XKR6: variants seen among roughly 807,000 people sequenced by gnomAD.
The protein encoded by XKR6 is XK-related protein 6.
A neutral mutation model predicts 56.7 loss-of-function variants in XKR6; 22 were observed. The ratio of observed to expected loss-of-function variants is 0.39; its 90% CI spans 0.28 to 0.55. The LOEUF (loss-of-function observed/expected upper bound fraction) is 0.55. Among genes scored for constraint, XKR6 ranks in the 20% least tolerant of loss-of-function variants. XKR6 has a pLI of 0.66. For synonymous variants in XKR6, 524 were observed against 387.8 expected (o/e 1.35, Z -4.13); for missense variants, 852 against 889.0 (o/e 0.96, Z 0.53).
intron 1 of XKR6, among the ~76,000 whole-genome samples, chr8:11,118,269 T>C (rs1040227347): frequency 3.3e-5 from 5 of 152,196 alleles, no homozygotes; most frequent in Middle Eastern, 3.2e-3. Flanking sequence ...TTACCTTTCT[T>C]TTCTTTTGTT....
chr8:11,129,574 C>T (rs974482002), intron 1 of XKR6, among the ~76,000 whole-genome samples: 2 of 152,078 alleles, frequency 1.3e-5, no homozygotes, highest in Non-Finnish European at 2.9e-5. Context: ...TCATGGTACA[C>T]GAACAGTCAC....
At chr8:11,018,848 G>T (rs1485654211) in intron 1 of XKR6, among the ~76,000 whole-genome samples, 1 of 151,996 alleles carries the variant, frequency 6.6e-6, no homozygotes, top group Non-Finnish European at 1.5e-5. Flanking sequence ...CTGCCTTGCT[G>T]CCCCTAAGAA....
intron 1 of XKR6, among the ~76,000 whole-genome samples, chr8:11,088,184 C>A (rs974467820): frequency 5.9e-5 from 9 of 152,102 alleles, no homozygotes; most frequent in African/African-American, 2.2e-4. Flanking sequence ...ATCAGAAGAC[C>A]ACTGCAAATC....
chr8:10,990,151 G>A (rs951920710), intron 1 of XKR6, among the ~76,000 whole-genome samples: 1 of 152,086 alleles, frequency 6.6e-6, no homozygotes, highest in African/African-American at 2.4e-5. Context: ...TTTTGTGACA[G>A]TCAGGTATTT....
intron 1 of XKR6, among the ~76,000 whole-genome samples, chr8:11,084,934 C>G (rs1356595941): frequency 2.0e-5 from 3 of 152,188 alleles, no homozygotes; most frequent in Non-Finnish European, 4.4e-5. Flanking sequence ...AAAAAGAAAT[C>G]TGCTGAAGAA....
At chr8:11,189,799 C>T (rs1191172445) in intron 1 of XKR6, among the ~76,000 whole-genome samples, 4 of 152,160 alleles carry the variant, frequency 2.6e-5, no homozygotes, top group Non-Finnish European at 5.9e-5. Flanking sequence ...GGATTACAGT[C>T]TCTTATGGTA....
At chr8:11,033,593 C>T (rs994950176) in intron 1 of XKR6, among the ~76,000 whole-genome samples, 3 of 152,204 alleles carry the variant, frequency 2.0e-5, no homozygotes, top group South Asian at 2.1e-4. Context: ...CTGTTAATGG[C>T]CCCTGCCCCA....
chr8:11,067,125 G>A (rs1055782659), intron 1 of XKR6: 1 of 152,328 alleles, frequency 6.6e-6, no homozygotes, highest in African/African-American at 2.4e-5. Flanking sequence ...GACAGTTTCG[G>A]AGAGACGTCA....
At chr8:11,187,485 G>C (rs1186349382) in intron 1 of XKR6, among the ~76,000 whole-genome samples, 1 of 152,134 alleles carries the variant, frequency 6.6e-6, no homozygotes, top group Non-Finnish European at 1.5e-5. Flanking sequence ...CACATGACTG[G>C]CAAAATGGGA....
intron 1 of XKR6, among the ~76,000 whole-genome samples, chr8:10,944,319 C>T (rs1026802683): frequency 6.6e-6 from 1 of 152,218 alleles, no homozygotes; most frequent in Non-Finnish European, 1.5e-5. Flanking sequence ...CAAGAAAGAA[C>T]TTAGTGACCA....
intron 1 of XKR6, among the ~76,000 whole-genome samples, chr8:11,072,210 G>C (rs1050510826): frequency 6.8e-6 from 1 of 147,060 alleles, no homozygotes; most frequent in South Asian, 2.2e-4. Context: ...AGGTCTGCTG[G>C]AGAGACAGCA....
chr8:11,100,072 G>C (rs1266635026), intron 1 of XKR6, among the ~76,000 whole-genome samples: 1 of 152,134 alleles, frequency 6.6e-6, no homozygotes, highest in Non-Finnish European at 1.5e-5. Flanking sequence ...TTTGTTTTGA[G>C]GCAGGGTCTA....
intron 1 of XKR6, among the ~76,000 whole-genome samples, chr8:10,997,960 G>A (rs1798152474): frequency 1.3e-5 from 2 of 152,106 alleles, no homozygotes; most frequent in Non-Finnish European, 2.9e-5. Context: ...TAGCTGAAGA[G>A]GAATTTACAA....
chr8:10,939,601 A>G (rs560450743), intron 1 of XKR6, among the ~76,000 whole-genome samples: 1 of 152,298 alleles, frequency 6.6e-6, no homozygotes, highest in African/African-American at 2.4e-5. Flanking sequence ...TGATTCTATG[A>G]GCGCTTGTAT....
chr8:11,123,022 A>C (rs190433365), intron 1 of XKR6, among the ~76,000 whole-genome samples: 181 of 152,168 alleles, frequency 1.2e-3, no homozygotes, highest in African/African-American at 4.2e-3. Flanking sequence ...GGATCACCTG[A>C]AATCAGGAGT....
intron 1 of XKR6, among the ~76,000 whole-genome samples, chr8:10,983,150 A>C (rs1797773862): frequency 6.6e-6 from 1 of 152,228 alleles, no homozygotes; most frequent in Non-Finnish European, 1.5e-5. Context: ...AAAATAAAAG[A>C]GCAAAATTAA....
intron 2 of XKR6, among the ~76,000 whole-genome samples, chr8:10,908,986 G>A (rs557096924): frequency 4.6e-4 from 70 of 152,280 alleles, no homozygotes; most frequent in African/African-American, 1.4e-3. Context: ...CCAACATGGC[G>A]AAACCGCATC....
At chr8:10,949,903 C>T (rs1248074082) in intron 1 of XKR6, among the ~76,000 whole-genome samples, 3 of 152,138 alleles carry the variant, frequency 2.0e-5, no homozygotes, top group East Asian at 3.9e-4. Context: ...TTTCCCAGCC[C>T]GGCCTGTCTT....
At chr8:10,975,148 C>T (rs1353708134) in intron 1 of XKR6, among the ~76,000 whole-genome samples, 1 of 152,154 alleles carries the variant, frequency 6.6e-6, no homozygotes, top group African/African-American at 2.4e-5. Context: ...AGGACCCAGA[C>T]AAAGCTCTGG....
Sources: gnomAD v4.1 joint callset for allele counts (sites outside exome capture counted in the v4.1 genomes callset) on GRCh38, gnomAD v4.1.1 for gene constraint, MANE v1.5 for transcripts, NCBI Gene and HGNC (gene_info 2026-07-23, HGNC 2026-07-21) for gene names.